Variants in GSE1 observed in about 807,000 individuals in gnomAD.
The protein encoded by GSE1 is Gse1 coiled-coil protein.
A neutral mutation model predicts 112.6 loss-of-function variants in GSE1; 32 were observed. The observed-to-expected ratio is 0.28, with a 90% confidence interval of 0.21 to 0.38. GSE1 has a LOEUF of 0.38. Among genes scored for constraint, GSE1 ranks in the 10% least tolerant of loss-of-function variants. The pLI, the probability that GSE1 is intolerant of heterozygous loss-of-function variation, is 1.00. For synonymous variants in GSE1, 1,115 were observed against 735.6 expected (o/e 1.52, Z -8.35); for missense variants, 2,348 against 1,699.2 (o/e 1.38, Z -6.71).
intron 1 of GSE1, among the ~76,000 whole-genome samples, chr16:85,293,440 G>A (rs2045279591): frequency 6.6e-6 from 1 of 152,138 alleles, no homozygotes; most frequent in African/African-American, 2.4e-5. Context: ...CAGCAACTCG[G>A]GAGGCTGAGG....
chr16:85,255,197 C>T (rs989914956), intron 1 of GSE1, among the ~76,000 whole-genome samples: 8 of 152,170 alleles, frequency 5.3e-5, no homozygotes, highest in African/African-American at 1.2e-4. Context: ...CCACCCCACC[C>T]GCTCCCCAGC....
chr16:85,536,688 C>T (rs2044340233), intron 2 of GSE1, among the ~76,000 whole-genome samples: 1 of 152,246 alleles, frequency 6.6e-6, no homozygotes, highest in African/African-American at 2.4e-5. Flanking sequence ...CTCCCAGCCC[C>T]TGCCCTCTCC....
At chr16:85,414,588 A>G (rs994155241) in intron 2 of GSE1, among the ~76,000 whole-genome samples, 3 of 152,224 alleles carry the variant, frequency 2.0e-5, no homozygotes, top group Non-Finnish European at 4.4e-5. Context: ...GAAGGGAGAC[A>G]GCATCATAAT....
At chr16:85,349,998 T>G (rs1305581702) in intron 1 of GSE1, among the ~76,000 whole-genome samples, 1 of 152,172 alleles carries the variant, frequency 6.6e-6, no homozygotes, top group African/African-American at 2.4e-5. Flanking sequence ...AGAGGACACA[T>G]GCTGGCCTGC....
chr16:85,455,593 G>A (rs980450658), intron 2 of GSE1, among the ~76,000 whole-genome samples: 2 of 152,122 alleles, frequency 1.3e-5, no homozygotes, highest in Non-Finnish European at 2.9e-5. Flanking sequence ...GGGGGACCCC[G>A]ATTATCTGGG....
In GSE1 at chr16:85,183,132, G is replaced by A. The variant is rs78320136; in HGVS notation, c.2283+11325G>A. On this transcript the variant is annotated intron_variant, in intron 1 of 2. Transcript: ENST00000637419. Reference sequence around the variant, plus strand: ...ACACCTGTACCCTCACCCCCTCACCGCCACATTCGCACTCATACACCTGCA... The same window carrying A: ...ACACCTGTACCCTCACCCCCTCACCACCACATTCGCACTCATACACCTGCA... 7.4e-3 allele frequency among the ~76,000 whole-genome samples: 1,117 copies of A among 151,808 alleles called. 10 individuals carry two copies. Among genetic ancestry groups the A allele is most frequent in the South Asian group, 0.03 (145 of 4,800 alleles).
chr16:85,635,228 C>A (rs769658408), intron 2 of GSE1, among the ~76,000 whole-genome samples: 2 of 152,116 alleles, frequency 1.3e-5, no homozygotes, highest in African/African-American at 4.8e-5. Context: ...GAGGACACAC[C>A]TGACATTGAT....
chr16:85,186,629 G>T (rs183614002), intron 1 of GSE1, among the ~76,000 whole-genome samples: 2 of 151,062 alleles, frequency 1.3e-5, no homozygotes, highest in Non-Finnish European at 2.9e-5. Flanking sequence ...AAATTTAGCC[G>T]TGTGTGGTGG....
At chr16:85,546,043 C>T (rs914113344) in intron 2 of GSE1, among the ~76,000 whole-genome samples, 1 of 152,094 alleles carries the variant, frequency 6.6e-6, no homozygotes, top group African/African-American at 2.4e-5. Context: ...CCTCGGCCTC[C>T]CAAAGTGCTG....
chr16:85,611,368 C>A, upstream of GSE1: 1 of 569,494 alleles, frequency 1.8e-6, no homozygotes, highest in Non-Finnish European at 2.2e-6. Context: ...AATCCGCCGG[C>A]CAGTGCGGGT....
intron 2 of GSE1, among the ~76,000 whole-genome samples, chr16:85,366,754 A>G (rs567308802): frequency 6.6e-6 from 1 of 152,340 alleles, no homozygotes; most frequent in African/African-American, 2.4e-5. Context: ...AGAAAAGAGA[A>G]TTTAACTTGG....
intron 1 of GSE1, among the ~76,000 whole-genome samples, chr16:85,585,152 T>A (rs2046630852): frequency 6.6e-6 from 1 of 152,206 alleles, no homozygotes; most frequent in Admixed American, 6.5e-5. Flanking sequence ...TGCTGTTGTC[T>A]CTGGCGAGGC....
chr16:85,171,610 G>A lies in GSE1; in HGVS notation c.2086G>A (p.Gly696Arg). Residue 696 changes from glycine (G) to arginine (R), a missense_variant, in exon 1 of 3, where the codon GGG (glycine) becomes AGG (arginine). Coordinates refer to the GSE1 transcript ENST00000637419. ...TCAGCAGGAGAAGAAACGGTGTCTG[G>A]GGCTGAAGTCCGTGCGGGTGGCCCG... 3.0e-6 allele frequency: 3 copies of A among 985,596 alleles called. No individual in the cohort carries two copies. The South Asian group carries it at 1.4e-4, about 46-fold the overall frequency. The allele number at this position is 985,596 out of a possible 1,614,324, so 61.1% of individuals were successfully genotyped here.
chr16:85,424,132 G>T (rs1264783023), intron 2 of GSE1, among the ~76,000 whole-genome samples: 1 of 152,252 alleles, frequency 6.6e-6, no homozygotes, highest in African/African-American at 2.4e-5. Flanking sequence ...GAAGGAACCA[G>T]AAAGAAAGCT....
chr16:85,617,121 C>T (rs903424264), intron 1 of GSE1, among the ~76,000 whole-genome samples: 12 of 152,210 alleles, frequency 7.9e-5, no homozygotes, highest in Admixed American at 6.5e-4. Flanking sequence ...GGGATTCTCC[C>T]GTCTGCTCCA....
chr16:85,647,609 A>G (rs1006143740), intron 2 of GSE1, among the ~76,000 whole-genome samples: 1 of 151,866 alleles, frequency 6.6e-6, no homozygotes, highest in African/African-American at 2.4e-5. Context: ...TTGTTTTGAG[A>G]CGAAGTCTCG....
At chr16:85,541,242 C>T (rs984535170) in intron 2 of GSE1, among the ~76,000 whole-genome samples, 9 of 152,184 alleles carry the variant, frequency 5.9e-5, no homozygotes, top group Admixed American at 2.6e-4. Flanking sequence ...GGGGGTTCCC[C>T]GGGAGGGCTG....
At chr16:85,210,632 C>T (rs971452918) in intron 1 of GSE1, among the ~76,000 whole-genome samples, 1 of 151,988 alleles carries the variant, frequency 6.6e-6, no homozygotes, top group African/African-American at 2.4e-5. Flanking sequence ...TGGCCATAAG[C>T]AGATGCCAGA....
At chr16:85,289,077 T>A (rs975752680) in intron 1 of GSE1, among the ~76,000 whole-genome samples, 2 of 152,214 alleles carry the variant, frequency 1.3e-5, no homozygotes, top group African/African-American at 2.4e-5. Flanking sequence ...AATGATCAGA[T>A]CCTGGGCTCA....
Sources: gnomAD v4.1 joint callset for allele counts (sites outside exome capture counted in the v4.1 genomes callset) on GRCh38, gnomAD v4.1.1 for gene constraint, MANE v1.5 for transcripts, NCBI Gene and HGNC (gene_info 2026-07-23, HGNC 2026-07-21) for gene names.